The following AZIN2 variants were observed in gnomAD, a reference collection of about 807,000 sequenced individuals.
The protein encoded by AZIN2 is ODC antizyme inhibitor-2.
AZIN2 carries 28 observed loss-of-function variants against 47.8 expected under a neutral mutation model. The ratio of observed to expected loss-of-function variants is 0.59; its 90% CI spans 0.43 to 0.80. AZIN2 has a LOEUF of 0.80. AZIN2 is among the 30% of genes least tolerant of loss of function. AZIN2 has a pLI of 0.00. For synonymous variants in AZIN2, 221 were observed against 239.4 expected, an observed-to-expected ratio of 0.92 and a Z score of 0.71; for missense variants, 535 against 582.5, an observed-to-expected ratio of 0.92 and a Z score of 0.84.
chr1:33,086,458 G>T (rs1641912191), intron 5 of AZIN2, among the ~76,000 whole-genome samples: 2 of 152,150 alleles, frequency 1.3e-5, no homozygotes, highest in Non-Finnish European at 2.9e-5. Context: ...CCCTGTGATG[G>T]GATCATGCAG....
chr1:33,118,172 G>A (rs1644649601), intron 11 of AZIN2, 56 bp downstream of exon 11: 3 of 1,470,120 alleles, frequency 2.0e-6, no homozygotes, highest in Non-Finnish European at 2.7e-6. Flanking sequence ...CAGAAACGAG[G>A]GAAACTTGAG....
the AZIN2 span, chr1:33,158,385 A>C: frequency 6.2e-7 from 1 of 1,609,102 alleles, no homozygotes. Context: ...GGAGAGCAGG[A>C]AAGGGGGCTG....
the AZIN2 span, among the ~76,000 whole-genome samples, chr1:33,158,665 A>G: frequency 6.6e-6 from 1 of 152,198 alleles, no homozygotes; most frequent in Non-Finnish European, 1.5e-5. Context: ...GTCAATGCCA[A>G]ATTCATGATC....
the AZIN2 span, among the ~76,000 whole-genome samples, chr1:33,152,610 G>A: frequency 6.0e-5 from 9 of 150,680 alleles, no homozygotes; most frequent in Non-Finnish European, 1.2e-4. Flanking sequence ...ACCATCTGTC[G>A]ATTCATGATG....
downstream of AZIN2, among the ~76,000 whole-genome samples, chr1:33,126,568 T>C (rs1644857979): frequency 6.6e-6 from 1 of 152,146 alleles, no homozygotes; most frequent in Non-Finnish European, 1.5e-5. Context: ...TGGCTCCTTG[T>C]CAGCTCCTGA....
chr1:33,120,178 T>C lies in AZIN2; in HGVS notation c.1379T>C (p.Met460Thr), dbSNP rs368296157. 4.6e-5 allele frequency: 73 copies of C among 1,603,890 alleles called. No homozygotes were observed. The highest frequency in any genetic ancestry group is 6.7e-5 in the Admixed American group (4 of 59,734). Residue 460 changes from methionine (M) to threonine (T), a missense_variant, in exon 12 of 12, where the codon ATG (methionine) becomes ACG (threonine). By Grantham distance (81) the Met-to-Thr change is moderately conservative (BLOSUM62 -1). This residue lies in a region of AZIN2 where 122 missense variants were observed against 135.8 expected (regional missense o/e 0.90). Coordinates refer to ENST00000294517, the MANE Select transcript of AZIN2 (RefSeq NM_052998.4). The stretch of plus-strand genomic sequence containing the variant: ...CCTGTCTTCACCCCAGCGAGCATCA[T>C]GTGAGTGGGCCTCGTTCCCCCCGGA... ...VGPVFTPASI[M>T]
chr1:33,092,028 A>C, intron 5 of AZIN2, 22 bp from the exon 6 acceptor site: 2 of 1,607,924 alleles, frequency 1.2e-6, no homozygotes, highest in Non-Finnish European at 1.7e-6. Flanking sequence ...GCCTCCTTAC[A>C]ACCACCTTTG....
chr1:33,132,577 A>G, the AZIN2 span, among the ~76,000 whole-genome samples: 2 of 152,076 alleles, frequency 1.3e-5, no homozygotes, highest in African/African-American at 4.8e-5. Context: ...GGCTCCCCCT[A>G]ACCTTCCTCT....
the AZIN2 span, among the ~76,000 whole-genome samples, chr1:33,153,510 C>G: frequency 6.6e-6 from 1 of 152,174 alleles, no homozygotes. Flanking sequence ...TGGATAGAGG[C>G]CAGGGATGCC....
chr1:33,154,315 TG>T, the AZIN2 span, among the ~76,000 whole-genome samples: 1 of 152,088 alleles, frequency 6.6e-6, no homozygotes. Context: ...GCAGGGAGCC[TG>T]GGGAGCCTTC....
chr1:33,104,956 A>G (rs1036982556), intron 10 of AZIN2, among the ~76,000 whole-genome samples: 2 of 152,142 alleles, frequency 1.3e-5, no homozygotes, highest in African/African-American at 4.8e-5. Flanking sequence ...TCCCACCTTG[A>G]GATTACAGAC....
At chr1:33,139,225 G>A in the AZIN2 span, among the ~76,000 whole-genome samples, 3 of 152,178 alleles carry the variant, frequency 2.0e-5, no homozygotes, top group Non-Finnish European at 4.4e-5. Flanking sequence ...AGTGAGGGTC[G>A]CTCTGGGGGC....
At chr1:33,154,889 C>T in the AZIN2 span, among the ~76,000 whole-genome samples, 1 of 151,670 alleles carries the variant, frequency 6.6e-6, no homozygotes, top group Non-Finnish European at 1.5e-5. Flanking sequence ...GTCAGGAGAT[C>T]GAGACCATCC....
At chr1:33,130,278 G>A in the AZIN2 span, among the ~76,000 whole-genome samples, 4 of 152,162 alleles carry the variant, frequency 2.6e-5, no homozygotes, top group South Asian at 2.1e-4. Context: ...ATTTCCTCCC[G>A]TTGAGTATGG....
At position 33,093,318 on chromosome 1, in the gene AZIN2, C is replaced by T. The variant is rs1642781579; in HGVS notation, c.489C>T (p.Ser163=). The stretch of plus-strand genomic sequence containing the variant: ...GCATTGCTACCGATGACTCCCACTC[C>T]CTGAGCTGCCTGAGCCTAAAGTTTG... ...VLCIATDDSH[S]LSCLSLKFGV... Residue 163 remains serine, a synonymous_variant, in exon 7 of 12, where the codon TCC becomes TCT. Transcript: ENST00000294517. The T allele has an allele frequency of 6.2e-7, 1 of 1,613,890 alleles. No individual in the cohort carries two copies. Among genetic ancestry groups the T allele is most frequent in the Non-Finnish European group, 8.5e-7 (1 of 1,179,962 alleles).
the AZIN2 span, among the ~76,000 whole-genome samples, chr1:33,136,567 G>C: frequency 6.6e-5 from 10 of 150,728 alleles, no homozygotes; most frequent in Non-Finnish European, 1.0e-4. Flanking sequence ...ACAGGGTTTC[G>C]CCATGTTGGG....
chr1:33,128,811 T>C, the AZIN2 span, among the ~76,000 whole-genome samples: 1 of 152,196 alleles, frequency 6.6e-6, no homozygotes, highest in African/African-American at 2.4e-5. Flanking sequence ...AAATCCTACT[T>C]ATGGAAAAAT....
the AZIN2 span, chr1:33,145,678 C>T: frequency 3.1e-5 from 10 of 323,098 alleles, no homozygotes; most frequent in Non-Finnish European, 6.1e-5. Context: ...AAGTCAAGGC[C>T]GGGGAGACAT....
chr1:33,148,722 G>A, the AZIN2 span, among the ~76,000 whole-genome samples: 1 of 152,162 alleles, frequency 6.6e-6, no homozygotes, highest in Non-Finnish European at 1.5e-5. Flanking sequence ...GGTTACACTT[G>A]AAATTATAAA....
Sources: gnomAD v4.1 joint callset for allele counts (sites outside exome capture counted in the v4.1 genomes callset) on GRCh38, gnomAD v4.1.1 for gene constraint, gnomAD v4.1.1 regional missense constraint, MANE v1.5 for transcripts, NCBI Gene and HGNC (gene_info 2026-07-23, HGNC 2026-07-21) for gene names.